C7: variants seen among roughly 807,000 people sequenced by gnomAD.
The protein encoded by C7 is complement component C7.
Under a neutral mutation model 104.8 loss-of-function variants are expected in C7, and 83 were observed. That is an observed-to-expected ratio of 0.79 (90% CI 0.66 to 0.95). The LOEUF (loss-of-function observed/expected upper bound fraction) is 0.95. C7 is among the 40% of genes least tolerant of loss of function. C7 has a pLI of 0.00. For synonymous variants in C7, 415 were observed against 360.6 expected, an observed-to-expected ratio of 1.15 and a Z score of -1.71; for missense variants, 1,070 against 1,011.2, an observed-to-expected ratio of 1.06 and a Z score of -0.79.
At chr5:40,964,019 A>ATTTTTT in intron 13 of C7, among the ~76,000 whole-genome samples, 1 of 87,654 alleles carries the variant, frequency 1.1e-5, no homozygotes, top group Non-Finnish European at 2.5e-5. Context: ...AGCTCATAAT[A>ATTTTTT]CTTTTTTTTT....
chr5:40,974,074 T>A (rs891246683), intron 15 of C7, among the ~76,000 whole-genome samples: 2 of 148,376 alleles, frequency 1.3e-5, no homozygotes, highest in African/African-American at 5.1e-5. Context: ...ATACATAACA[T>A]AACATTTACC....
intron 14 of C7, among the ~76,000 whole-genome samples, chr5:40,968,618 T>A (rs1407776936): frequency 1.2e-5 from 1 of 86,228 alleles, no homozygotes; most frequent in Admixed American, 1.3e-4. Context: ...TTTTTTTTTT[T>A]TTTTTTTTTT....
intron 9 of C7, chr5:40,954,894 A>AAT (rs1740254784): frequency 7.2e-6 from 2 of 275,948 alleles, no homozygotes; most frequent in African/African-American, 4.7e-5. Context: ...AAAAAAAAAA[A>AAT]AAAAAAAAAA....
intron 6 of C7, among the ~76,000 whole-genome samples, chr5:40,939,107 A>G (rs962076530): frequency 1.3e-5 from 2 of 152,158 alleles, no homozygotes; most frequent in South Asian, 2.1e-4. Flanking sequence ...AACCCAAACT[A>G]CTGAAATGTT....
intron 14 of C7, among the ~76,000 whole-genome samples, chr5:40,969,512 A>C (rs1466764087): frequency 6.6e-6 from 1 of 152,184 alleles, no homozygotes; most frequent in African/African-American, 2.4e-5. Flanking sequence ...GGATGATGCT[A>C]TCTTCCTCTA....
chr5:40,927,843 T>G (rs1739590390), intron 1 of C7, among the ~76,000 whole-genome samples: 1 of 152,096 alleles, frequency 6.6e-6, no homozygotes, highest in Non-Finnish European at 1.5e-5. Context: ...ACTTGTACAC[T>G]TGGTAGGAAT....
At chr5:40,968,132 T>C (rs1740599264) in intron 14 of C7, among the ~76,000 whole-genome samples, 1 of 152,130 alleles carries the variant, frequency 6.6e-6, no homozygotes, top group Admixed American at 6.6e-5. Context: ...ATTTTCTTTT[T>C]CTTTTTCTTT....
chr5:40,945,875 CATATATATATATATAT>C (rs58480949), intron 7 of C7, among the ~76,000 whole-genome samples: 7,271 of 127,322 alleles, frequency 0.057, 608 homozygotes, highest in African/African-American at 0.18. Context: ...AAAAAAAATA[CATATATATATATATAT>C]ATATATATAT....
At chr5:40,955,728 G>A (rs1205709528) in intron 10 of C7, among the ~76,000 whole-genome samples, 175 bp downstream of exon 10, 2 of 152,144 alleles carry the variant, frequency 1.3e-5, no homozygotes, top group Non-Finnish European at 1.5e-5. Flanking sequence ...GAAACAGAAG[G>A]TGTGTTATAC....
intron 6 of C7, among the ~76,000 whole-genome samples, chr5:40,939,455 A>G (rs1376181): frequency 0.46 from 70,352 of 152,038 alleles, 16,980 homozygotes; most frequent in African/African-American, 0.62. Context: ...ACCAAATTAA[A>G]AAGTAGTAGA....
At chr5:40,976,345 C>G (rs1740819488) in intron 15 of C7, among the ~76,000 whole-genome samples, 2 of 152,278 alleles carry the variant, frequency 1.3e-5, no homozygotes, top group African/African-American at 4.8e-5. Flanking sequence ...ACTTTATTGT[C>G]CTTGGATTCA....
intron 1 of C7, among the ~76,000 whole-genome samples, chr5:40,913,414 C>T (rs1561233892): frequency 6.6e-6 from 1 of 151,924 alleles, no homozygotes; most frequent in East Asian, 1.9e-4. Flanking sequence ...ATTTACATTC[C>T]CACCAATAGT....
rs192598925 is a variant in C7, at chr5:40,922,006, C to T, written c.7-6574C>T. 4.4e-3 allele frequency among the ~76,000 whole-genome samples: 671 copies of T among 152,064 alleles called. 5 individuals are homozygous for T. The highest frequency in any genetic ancestry group is 0.015 in the African/African-American group (643 of 41,492). On this transcript the variant is annotated intron_variant, in intron 1 of 17. Coordinates refer to ENST00000313164, the MANE Select transcript of C7 (RefSeq NM_000587.4). Reference sequence around the variant, plus strand: ...TGAGCTAAGAACATGCCATTGCACTCCAGCCTGGGTGACAGAGCAAGACTC... The same window carrying T: ...TGAGCTAAGAACATGCCATTGCACTTCAGCCTGGGTGACAGAGCAAGACTC...
chr5:40,972,623 C>T (rs751287581), intron 15 of C7, 29 bp downstream of exon 15: 15 of 1,546,368 alleles, frequency 9.7e-6, no homozygotes, highest in Admixed American at 1.9e-5. Context: ...TATCCAAGGA[C>T]ACTTGTACCC....
At chr5:40,967,550 T>G (rs1341529656) in intron 14 of C7, 5 of 158,776 alleles carry the variant, frequency 3.1e-5, no homozygotes, top group South Asian at 3.6e-4. Flanking sequence ...ACTATCACGT[T>G]CCCTTCTACA....
chr5:40,975,141 G>A (rs1170904448), intron 15 of C7, among the ~76,000 whole-genome samples: 1 of 152,120 alleles, frequency 6.6e-6, no homozygotes, highest in Non-Finnish European at 1.5e-5. Flanking sequence ...CAAAGTCACA[G>A]ATATAATTTC....
chr5:40,935,927 C>T (rs756919249), intron 4 of C7, among the ~76,000 whole-genome samples: 13 of 152,062 alleles, frequency 8.5e-5, no homozygotes, highest in East Asian at 3.9e-4. Context: ...TAAAATTGTC[C>T]GGCTCTTAAA....
chr5:40,926,344 G>T (rs1163808312), intron 1 of C7, among the ~76,000 whole-genome samples: 1 of 141,562 alleles, frequency 7.1e-6, no homozygotes, highest in Non-Finnish European at 1.5e-5. Flanking sequence ...TTAAGCTCTG[G>T]ATCAAGACAA....
At chr5:40,974,355 T>C (rs931787128) in intron 15 of C7, among the ~76,000 whole-genome samples, 3 of 151,284 alleles carry the variant, frequency 2.0e-5, no homozygotes, top group African/African-American at 4.9e-5. Context: ...TCTTCTTAAA[T>C]GCAAAAATTC....
Sources: allele counts gnomAD v4.1 joint callset (sites outside exome capture counted in the v4.1 genomes callset), GRCh38; gene constraint gnomAD v4.1.1; transcripts MANE v1.5; gene names NCBI Gene and HGNC (gene_info 2026-07-23, HGNC 2026-07-21).